DMXL2: variants seen among roughly 807,000 people sequenced by gnomAD.
The protein encoded by DMXL2 is dmX-like protein 2.
A neutral mutation model predicts 331.1 loss-of-function variants in DMXL2; 103 were observed. The observed-to-expected ratio is 0.31, with a 90% confidence interval of 0.27 to 0.37. The LOEUF (loss-of-function observed/expected upper bound fraction) is 0.37. DMXL2 is among the 10% of genes least tolerant of loss of function. The pLI is 1.00. For synonymous variants in DMXL2, 1,281 were observed against 1,252.1 expected (o/e 1.02, Z -0.49); for missense variants, 3,171 against 3,642.9 (o/e 0.87, Z 3.33).
chr15:51,450,003 A>C, intron 43 of DMXL2, 126 bp downstream of exon 43: 1 of 802,692 alleles, frequency 1.2e-6, no homozygotes, highest in Non-Finnish European at 2.0e-6. Flanking sequence ...GTGTTGAGAT[A>C]TGCAGTATCT....
At chr15:51,479,861 T>C (rs1446843144) in intron 25 of DMXL2, 87 bp downstream of exon 25, 1 of 1,006,800 alleles carries the variant, frequency 9.9e-7, no homozygotes, top group Non-Finnish European at 1.4e-6. Flanking sequence ...TTTGAAATAT[T>C]TCCCCTAAGT....
intron 15 of DMXL2, among the ~76,000 whole-genome samples, chr15:51,509,008 T>C (rs1315229227): frequency 1.3e-5 from 2 of 152,174 alleles, no homozygotes; most frequent in African/African-American, 4.8e-5. Flanking sequence ...CGAATCTTAA[T>C]ATGACTAAAA....
chr15:51,457,927 A>C (rs1229515276), intron 36 of DMXL2: 1 of 154,906 alleles, frequency 6.5e-6, no homozygotes, highest in East Asian at 1.9e-4. Context: ...ACATACTAAC[A>C]AAAAAAAGAA....
intron 33 of DMXL2, 189 bp downstream of exon 33, chr15:51,463,190 A>T: frequency 2.3e-6 from 1 of 441,470 alleles, no homozygotes; most frequent in Middle Eastern, 6.4e-4. Context: ...CAAAGTACCT[A>T]TGTTGTTTCA....
Position 51,450,120 on chromosome 15 carries a change from C to G in DMXL2, c.8967+9G>C, listed in dbSNP as rs182672196. ...CTTTAGCACATTCCAACCTCTTGTA[C>G]TGACTCACCTTTATGTTACCTTCTG... On this transcript the variant is annotated intron_variant, in intron 43 of 43. Transcript: ENST00000560891. The G allele has an allele frequency of 1.1e-4, 176 of 1,612,732 alleles. 1 individual carries two copies. The African/African-American group carries it at 2.1e-3, about 19-fold the overall frequency.
intron 8 of DMXL2, among the ~76,000 whole-genome samples, chr15:51,543,394 T>C (rs1394376164): frequency 6.6e-6 from 1 of 152,226 alleles, no homozygotes; most frequent in African/African-American, 2.4e-5. Context: ...CCTTCTCATT[T>C]TGCATATGGA....
intron 1 of DMXL2, among the ~76,000 whole-genome samples, chr15:51,587,222 G>GT (rs1741263505): frequency 6.6e-6 from 1 of 152,118 alleles, no homozygotes; most frequent in African/African-American, 2.4e-5. Flanking sequence ...CAACGTGCAG[G>GT]TTTGTTACAT....
chr15:51,530,612 G>A (rs551785907), intron 13 of DMXL2, among the ~76,000 whole-genome samples: 168 of 150,290 alleles, frequency 1.1e-3, no homozygotes, highest in African/African-American at 3.9e-3. Flanking sequence ...AAAATTAGCC[G>A]GGCATGGTGG....
chr15:51,512,835 C>T (rs1040773439), intron 15 of DMXL2, among the ~76,000 whole-genome samples: 8 of 149,306 alleles, frequency 5.4e-5, no homozygotes, highest in East Asian at 2.0e-4. Flanking sequence ...AAAAAAAATT[C>T]GGGGGGAAAA....
intron 6 of DMXL2, among the ~76,000 whole-genome samples, chr15:51,552,035 T>G (rs2049252668): frequency 2.6e-5 from 4 of 152,156 alleles, no homozygotes; most frequent in Non-Finnish European, 4.4e-5. Flanking sequence ...AGTCTGGGTA[T>G]TGTAGGTATT....
chr15:51,592,708 T>G (rs1050447065), intron 1 of DMXL2, among the ~76,000 whole-genome samples: 2 of 152,226 alleles, frequency 1.3e-5, no homozygotes, highest in East Asian at 1.9e-4. Flanking sequence ...GACTAACAGC[T>G]GATCTCTCGG....
rs570019180 is a variant in DMXL2 at position 51,452,433 on chromosome 15, C to T, written c.8697-736G>A. On this transcript the variant is annotated intron_variant, in intron 41 of 43. Coordinates refer to ENST00000560891, the MANE Select transcript of DMXL2 (RefSeq NM_001378457.1). ...CAAGAAAAAACAATCCCATCAAAAG[C>T]GAGCAAAGGACATGAACAGATAATT... Among the ~76,000 whole-genome samples the T allele has an allele frequency of 5.3e-5, 8 of 152,054 alleles. No homozygotes were observed. The South Asian group carries it at 6.2e-4, about 12-fold the overall frequency.
intron 1 of DMXL2, among the ~76,000 whole-genome samples, chr15:51,593,675 C>A (rs1411752079): frequency 2.0e-5 from 3 of 152,168 alleles, no homozygotes; most frequent in African/African-American, 7.2e-5. Context: ...GTAAAGCACT[C>A]CTCAGCAAAT....
chr15:51,466,347 A>G, intron 29 of DMXL2, 36 bp from the exon 30 acceptor site: 2 of 922,264 alleles, frequency 2.2e-6, no homozygotes, highest in Non-Finnish European at 2.9e-6. Flanking sequence ...TTTAAAGATT[A>G]TAATTTCATA....
intron 16 of DMXL2, among the ~76,000 whole-genome samples, chr15:51,503,977 C>G (rs1281131449): frequency 6.6e-6 from 1 of 151,878 alleles, no homozygotes; most frequent in Non-Finnish European, 1.5e-5. Context: ...CTCCATCATG[C>G]AAGACTGACA....
At chr15:51,487,855 T>G (rs2042511750) in intron 22 of DMXL2, 99 bp downstream of exon 22, 1 of 1,034,966 alleles carries the variant, frequency 9.7e-7, no homozygotes, top group South Asian at 2.4e-5. Context: ...TTATTCTGTG[T>G]CCTAACAAAC....
chr15:51,479,259 A>G (rs986829070), intron 25 of DMXL2, among the ~76,000 whole-genome samples: 1 of 152,200 alleles, frequency 6.6e-6, no homozygotes, highest in African/African-American at 2.4e-5. Flanking sequence ...TGCCTGTCAA[A>G]CAAAACAAAT....
chr15:51,506,578 T>C (rs905917041), intron 16 of DMXL2, among the ~76,000 whole-genome samples: 13 of 151,068 alleles, frequency 8.6e-5, no homozygotes, highest in Non-Finnish European at 1.6e-4. Context: ...CTCAGCCTCC[T>C]GAGTAGCTGG....
At chr15:51,612,161 T>A (rs1024282423) in intron 1 of DMXL2, among the ~76,000 whole-genome samples, 1 of 152,200 alleles carries the variant, frequency 6.6e-6, no homozygotes. Context: ...CTAGACTAGA[T>A]TTAATTTGTA....
Sources: gnomAD v4.1 joint callset for allele counts (sites outside exome capture counted in the v4.1 genomes callset) on GRCh38, gnomAD v4.1.1 for gene constraint, MANE v1.5 for transcripts, NCBI Gene and HGNC (gene_info 2026-07-23, HGNC 2026-07-21) for gene names.